SOX30: variants seen among roughly 807,000 people sequenced by gnomAD.
The protein encoded by SOX30 is transcription factor SOX-30.
In SOX30, 17 loss-of-function variants were observed where a neutral mutation model predicts 58.6. The observed-to-expected ratio is 0.29, with a 90% CI of 0.20 to 0.44. The LOEUF is 0.44. Ranked by LOEUF, SOX30 falls within the 20% of genes least tolerant of loss-of-function variation. The probability of loss-of-function intolerance (pLI) is 1.00; values close to 1 mark genes in which losing one functional copy is unlikely to be tolerated. For synonymous variants in SOX30, 421 were observed against 400.2 expected, an observed-to-expected ratio of 1.05 and a Z score of -0.62; for missense variants, 951 against 965.8, an observed-to-expected ratio of 0.98 and a Z score of 0.20.
At chr5:157,656,872 T>A (rs1206918320), upstream of SOX30, among the ~76,000 whole-genome samples, 2 of 152,230 alleles carry the variant, frequency 1.3e-5, no homozygotes, top group African/African-American at 4.8e-5. Flanking sequence ...TGTGAATATA[T>A]TAGTTAAAGT....
At chr5:157,629,705 A>G (rs1054916198) in intron 4 of SOX30, among the ~76,000 whole-genome samples, 4 of 152,252 alleles carry the variant, frequency 2.6e-5, no homozygotes, top group Non-Finnish European at 5.9e-5. Context: ...TGTTATTTCA[A>G]TATAACACTG....
intron 2 of SOX30, among the ~76,000 whole-genome samples, chr5:157,664,791 A>G (rs141521313): frequency 3.5e-4 from 54 of 152,348 alleles, no homozygotes; most frequent in African/African-American, 1.2e-3. Context: ...GGTGAAGGAT[A>G]TGAACAGACC....
intron 2 of SOX30, among the ~76,000 whole-genome samples, chr5:157,659,636 G>T (rs1759541320): frequency 6.6e-6 from 1 of 152,158 alleles, no homozygotes; most frequent in Admixed American, 6.5e-5. Flanking sequence ...TTTTGCCAAG[G>T]TTAAGGACAT....
At chr5:157,659,283 G>A (rs919512650) in intron 2 of SOX30, among the ~76,000 whole-genome samples, 49 of 152,258 alleles carry the variant, frequency 3.2e-4, no homozygotes, top group Admixed American at 1.0e-3. Flanking sequence ...CCCCTTTCCT[G>A]TAACATCTTT....
At chr5:157,628,986 G>T (rs1004530764) in intron 4 of SOX30, among the ~76,000 whole-genome samples, 12 of 152,092 alleles carry the variant, frequency 7.9e-5, no homozygotes, top group African/African-American at 2.9e-4. Flanking sequence ...CATATAGCAG[G>T]TCTCTCTATC....
At chr5:157,650,962 G>A (rs1759313974) in intron 1 of SOX30, 150 bp downstream of exon 1, 2 of 589,418 alleles carry the variant, frequency 3.4e-6, no homozygotes, top group South Asian at 2.6e-5. Flanking sequence ...TGTACAAGTC[G>A]ATCAGAAGTG....
At chr5:157,634,959 T>A (rs1349771121) in intron 4 of SOX30, among the ~76,000 whole-genome samples, 1 of 152,202 alleles carries the variant, frequency 6.6e-6, no homozygotes, top group African/African-American at 2.4e-5. Flanking sequence ...GAAATATTCC[T>A]TACAGAAAAT....
chr5:157,650,994 T>C (rs1162744971), intron 1 of SOX30, 118 bp downstream of exon 1: 10 of 780,286 alleles, frequency 1.3e-5, no homozygotes, highest in South Asian at 5.6e-5. Context: ...GACTCTGCCC[T>C]GAAAACAATC....
rs1265422289 is a variant in SOX30 at position 157,651,970 on chromosome 5, G to A, written c.109C>T (p.Pro37Ser). 3 of 1,457,516 alleles carry A rather than the reference G, an allele frequency of 2.1e-6. No individual in the cohort carries two copies. The highest frequency in any genetic ancestry group is 2.5e-5 in the Admixed American group (1 of 39,446). The allele number at this position is 1,457,516 out of a possible 1,614,324, so 90.3% of individuals were successfully genotyped here. The change falls in exon 1 of 5, where the codon CCT becomes TCT. Residue 37 changes from proline (P) to serine (S), a missense_variant. Coordinates refer to ENST00000265007, the MANE Select transcript of SOX30 (RefSeq NM_178424.2). ...TSFWAAAMEPPPSSPTLSAAA... is the reference protein window; with the variant it reads ...TSFWAAAMEPSPSSPTLSAAA... The stretch of plus-strand genomic sequence containing the variant: ...GCGCTCAGTGTGGGAGACGACGGAG[G>A]GGGCTCCATGGCTGCTGCCCAAAAG...
rs1215669516 is a variant in SOX30, at chr5:157,626,619, AC to A, written c.1982del (p.Gly661ValfsTer6). The A allele has an allele frequency of 6.2e-7, 1 of 1,614,136 alleles. No homozygotes were observed. Among genetic ancestry groups the A allele is most frequent in the Non-Finnish European group, 8.5e-7 (1 of 1,180,012 alleles). ...YYEDRYPKHEGIFSTLNRDYS... is the reference protein window; with the variant it reads ...YYEDRYPKHEXIFSTLNRDYS... Reference sequence around the variant, plus strand: ...AGTCTCTATTTAAAGTTGAAAAGATACCCTCATGTTTTGGGTACCTGTCTTC... The same window carrying A: ...AGTCTCTATTTAAAGTTGAAAAGATACCTCATGTTTTGGGTACCTGTCTTC... On this transcript the variant is annotated frameshift_variant, in exon 5 of 5. Coordinates refer to ENST00000265007, the MANE Select transcript of SOX30 (RefSeq NM_178424.2). LOFTEE classifies it high-confidence loss of function.
At chr5:157,653,504 T>C (rs1040811040), upstream of SOX30, among the ~76,000 whole-genome samples, 4 of 152,192 alleles carry the variant, frequency 2.6e-5, no homozygotes, top group African/African-American at 9.7e-5. Flanking sequence ...AATAAAATAG[T>C]AATAATCACT....
intron 4 of SOX30, among the ~76,000 whole-genome samples, chr5:157,628,411 T>C (rs1253453916): frequency 7.8e-6 from 1 of 128,846 alleles, no homozygotes; most frequent in African/African-American, 2.8e-5. Flanking sequence ...ACACACAGAG[T>C]CAACTTTGTT....
chr5:157,649,142 T>C (rs568843026), intron 1 of SOX30, among the ~76,000 whole-genome samples: 1 of 152,094 alleles, frequency 6.6e-6, no homozygotes, highest in East Asian at 1.9e-4. Flanking sequence ...AAGATAACTG[T>C]GGCAATAATC....
Position 157,638,577 on chromosome 5 carries a change from T to C in SOX30, c.1533A>G (p.Gln511=), listed in dbSNP as rs769961846. The change falls in exon 4 of 5, where the codon CAA becomes CAG. Residue 511 remains glutamine, a synonymous_variant. Coordinates refer to ENST00000265007, the MANE Select transcript of SOX30 (RefSeq NM_178424.2). The part of the protein sequence containing the change: ...SLPVYPALPP[Q]RFTGPSQTDT... ...CTGTTTGGGAAGGCCCAGTAAAGCG[T>C]TGGGGTGGGAGTGCTGGATAGACAG... The C allele has an allele frequency of 9.3e-6, 15 of 1,613,800 alleles. No individual in the cohort carries two copies. Among genetic ancestry groups the C allele is most frequent in the Admixed American group, 3.3e-5 (2 of 59,962 alleles).
intron 2 of SOX30, 115 bp downstream of exon 2, chr5:157,648,542 A>T: frequency 1.1e-6 from 1 of 916,680 alleles, no homozygotes; most frequent in Non-Finnish European, 1.6e-6. Flanking sequence ...TATTCTCTTT[A>T]TTGTACATAT....
upstream of SOX30, among the ~76,000 whole-genome samples, chr5:157,653,076 T>C (rs1346229155): frequency 6.6e-6 from 1 of 152,208 alleles, no homozygotes; most frequent in African/African-American, 2.4e-5. Flanking sequence ...AAATAGTTAT[T>C]GAGTCTTTGG....
Position 157,652,299 on chromosome 5 carries a change from C to G in SOX30, c.-221G>C. On this transcript the variant is annotated 5_prime_UTR_variant, in exon 1 of 5. Coordinates refer to ENST00000265007, the MANE Select transcript of SOX30 (RefSeq NM_178424.2). ...TCCGGCTCTTCCTGGTCCCTACTCT[C>G]GCCTCGTGCTGAGTCCTCGAATCAC... 1 of 1,236,360 alleles carries G rather than the reference C, an allele frequency of 8.1e-7. No homozygotes were observed. Among genetic ancestry groups the G allele is most frequent in the African/African-American group, 1.6e-5 (1 of 64,406 alleles). The allele number at this position is 1,236,360 out of a possible 1,614,324, so 76.6% of individuals were successfully genotyped here.
At chr5:157,647,297 G>A (rs1045613609) in intron 2 of SOX30, among the ~76,000 whole-genome samples, 2 of 151,996 alleles carry the variant, frequency 1.3e-5, no homozygotes, top group Middle Eastern at 3.2e-3. Flanking sequence ...TCCTGACCTC[G>A]TGATCCGCCC....
Position 157,648,900 on chromosome 5 carries a change from C to T in SOX30, c.968-4G>A. 5 of 1,585,158 alleles carry T rather than the reference C, an allele frequency of 3.2e-6. No homozygotes were observed. The highest frequency in any genetic ancestry group is 1.1e-5 in the South Asian group (1 of 88,724). ...CTGAAGGGAGTATCTGGTATGCCTA[C>T]ATGACAAAAATTAAAAGGCTAAATT... On this transcript the variant is annotated splice_polypyrimidine_tract_variant and splice_region_variant and intron_variant, in intron 1 of 4. Transcript: ENST00000265007.
Sources: gnomAD v4.1 joint callset for allele counts (sites outside exome capture counted in the v4.1 genomes callset) on GRCh38, gnomAD v4.1.1 for gene constraint, MANE v1.5 for transcripts, NCBI Gene and HGNC (gene_info 2026-07-23, HGNC 2026-07-21) for gene names.